The following EPG5 variants were observed in gnomAD, a reference collection of about 807,000 sequenced individuals.
The protein encoded by EPG5 is ectopic P granules protein 5 homolog.
In EPG5, 159 loss-of-function variants were observed where a neutral mutation model predicts 302.7. That is an observed-to-expected ratio of 0.53 (90% CI 0.46 to 0.60). EPG5 has a LOEUF of 0.60. EPG5 is among the 20% of genes least tolerant of loss of function. The pLI is 0.00. For synonymous variants in EPG5, 1,158 were observed against 1,136.8 expected (o/e 1.02, Z -0.37); for missense variants, 2,896 against 3,092.4 (o/e 0.94, Z 1.51).
In EPG5 at chr18:45,952,764, G is replaced by A. The variant is rs188102283; in HGVS notation, c.1009-121C>T. ...TCTTCAAAGAGCTTATAATCATGGT[G>A]AGGAGACATATTACTGTGTAGAGAA... On this transcript the variant is annotated intron_variant, in intron 2 of 43. Transcript: ENST00000282041. The A allele has an allele frequency of 2.6e-5, 27 of 1,026,472 alleles. No individual in the cohort carries two copies. In the East Asian group the frequency reaches 6.0e-4, roughly 23 times the overall value. The allele number at this position is 1,026,472 out of a possible 1,614,324, so 63.6% of individuals were successfully genotyped here. A position where few individuals can be genotyped will look rare whatever the true frequency, so the allele number is the denominator to read the frequency against.
At chr18:45,838,823 GC>G in the EPG5 span, 1 of 1,561,552 alleles carries the variant, frequency 6.4e-7, no homozygotes, top group Non-Finnish European at 8.6e-7. Flanking sequence ...GCCTGGTCCG[GC>G]CCGGCCCTGG....
rs1187423275 is a variant in EPG5 at position 45,967,263 on chromosome 18, C to T, written c.-24G>A. ...ATAGACCCTTCCGCGGCGCCGTCAC[C>T]GTTTGTTTTTGTCAAACCCCTGCGC... is the stretch of plus-strand genomic sequence containing the variant. On this transcript the variant is annotated 5_prime_UTR_variant, in exon 1 of 44. Coordinates refer to ENST00000282041, the MANE Select transcript of EPG5 (RefSeq NM_020964.3). 2 of 1,571,976 alleles carry T rather than the reference C, an allele frequency of 1.3e-6. No individual in the cohort carries two copies. Among genetic ancestry groups the T allele is most frequent in the Non-Finnish European group, 8.6e-7 (1 of 1,158,840 alleles).
At chr18:45,924,101 C>T (rs1008161312) in intron 14 of EPG5, among the ~76,000 whole-genome samples, 1 of 151,652 alleles carries the variant, frequency 6.6e-6, no homozygotes, top group African/African-American at 2.4e-5. Flanking sequence ...TCATTAGTTA[C>T]AATAAATAAG....
chr18:45,864,795 A>C (rs1459951058), intron 39 of EPG5, among the ~76,000 whole-genome samples: 3 of 152,246 alleles, frequency 2.0e-5, no homozygotes, highest in African/African-American at 7.2e-5. Flanking sequence ...TTCTTGCTTC[A>C]AAACCACATG....
At chr18:45,882,552 G>T in intron 30 of EPG5, 65 bp from the exon 31 acceptor site, 2 of 1,365,954 alleles carry the variant, frequency 1.5e-6, no homozygotes, top group South Asian at 1.4e-5. Context: ...AGAGGAGAGA[G>T]GTCTGTGTAA....
the EPG5 span, among the ~76,000 whole-genome samples, chr18:45,827,072 G>A: frequency 3.9e-5 from 6 of 152,106 alleles, no homozygotes; most frequent in East Asian, 3.8e-4. Context: ...GTGCCACCAC[G>A]CCCAGCTAAT....
rs182937059 is a variant in EPG5, at chr18:45,963,613, T to G, written c.63+3564A>C. ...TCACACCACTTCACTCCAGCCTGGGTGACAGAGTGAGACTCGGTCTCAAAA... is the reference window on the plus strand; with the variant it reads ...TCACACCACTTCACTCCAGCCTGGGGGACAGAGTGAGACTCGGTCTCAAAA... On this transcript the variant is annotated intron_variant, in intron 1 of 43. Transcript: ENST00000282041. Among the ~76,000 whole-genome samples the G allele has an allele frequency of 2.2e-3, 340 of 152,126 alleles. 1 individual carries two copies. The highest frequency in any genetic ancestry group is 7.8e-3 in the African/African-American group (325 of 41,502).
At position 45,954,939 on chromosome 18, in the gene EPG5, C is replaced by A. The variant is rs747965536; in HGVS notation, c.463G>T (p.Ala155Ser). The stretch of plus-strand genomic sequence containing the variant: ...GTATAAGAAAAATTAGATTGGGGTG[C>A]ACTTTCTGAAAGTCCACCTTGTACC... ...MSVQGGLSES[A>S]PQSNFSYTQP... The change falls in exon 2 of 44, where the codon GCA becomes TCA. Residue 155 changes from alanine (A) to serine (S), a missense_variant. Physicochemically the swap from Ala to Ser is moderately conservative, Grantham distance 99. Transcript: ENST00000282041. The A allele has an allele frequency of 8.7e-6, 14 of 1,613,638 alleles. No homozygotes were observed. Among genetic ancestry groups the A allele is most frequent in the Non-Finnish European group, 1.0e-5 (12 of 1,179,886 alleles).
At chr18:45,904,201 C>G in intron 24 of EPG5, 84 bp from the exon 25 acceptor site, 2 of 1,485,204 alleles carry the variant, frequency 1.3e-6, no homozygotes, top group Non-Finnish European at 1.8e-6. Flanking sequence ...ATAAAGTGAA[C>G]CAGTAAGTTT....
At chr18:45,808,936 C>T in the EPG5 span, among the ~76,000 whole-genome samples, 2 of 152,120 alleles carry the variant, frequency 1.3e-5, no homozygotes, top group African/African-American at 4.8e-5. Flanking sequence ...ACTTAAAAGA[C>T]ACAGAATTGC....
At position 45,881,719 on chromosome 18, in the gene EPG5, A is replaced by C. The variant is rs2049102537; in HGVS notation, c.5518+555T>G. On this transcript the variant is annotated intron_variant, in intron 31 of 43. Coordinates refer to ENST00000282041, the MANE Select transcript of EPG5 (RefSeq NM_020964.3). ...AAAATTGCTATAGAAAATTGTAAGA[A>C]GGGGGAACAGAAGTGGCAGGAATGT... Among the ~76,000 whole-genome samples, 3 of 152,200 alleles carry C rather than the reference A, an allele frequency of 2.0e-5. 1 individual carries two copies. Among genetic ancestry groups the C allele is most frequent in the Admixed American group, 2.0e-4 (3 of 15,286 alleles).
Position 45,867,677 on chromosome 18 carries a change from A to G in EPG5, c.6297T>C (p.Ser2099=). The part of the protein sequence containing the change: ...GSVLCEVNWV[S]VLSDAWNSSP... ...TGGAATTCCAGGCATCAGAGAGCACACTAACCCAGTTGACTTCACAGAGTA... is the reference window on the plus strand; with the variant it reads ...TGGAATTCCAGGCATCAGAGAGCACGCTAACCCAGTTGACTTCACAGAGTA... The change falls in exon 37 of 44, where the codon AGT becomes AGC. Residue 2099 remains serine (S), a synonymous_variant. Transcript: ENST00000282041. 2 of 1,614,140 alleles carry G rather than the reference A, an allele frequency of 1.2e-6. No individual in the cohort carries two copies. Among genetic ancestry groups the G allele is most frequent in the Non-Finnish European group, 1.7e-6 (2 of 1,179,998 alleles).
chr18:45,921,380 T>C (rs1377804650), intron 16 of EPG5, among the ~76,000 whole-genome samples: 1 of 152,024 alleles, frequency 6.6e-6, no homozygotes, highest in Admixed American at 6.6e-5. Flanking sequence ...ATAAATAGAC[T>C]AGAAAAAAAT....
At chr18:45,842,191 G>C in the EPG5 span, 2 of 1,614,124 alleles carry the variant, frequency 1.2e-6, no homozygotes, top group Non-Finnish European at 8.5e-7. Flanking sequence ...ACCGTGAGGA[G>C]TCCCTCAGCC....
intron 42 of EPG5, among the ~76,000 whole-genome samples, chr18:45,856,904 A>G (rs1028761706): frequency 2.6e-5 from 4 of 152,142 alleles, no homozygotes; most frequent in Non-Finnish European, 4.4e-5. Context: ...CCTTCTTACC[A>G]ACAGGCCTTT....
Position 45,951,133 on chromosome 18 carries a change from T to A in EPG5, c.1358A>T (p.His453Leu), listed in dbSNP as rs568433236. ...CTGCAGCCAGAGAAGAATATCATCA[T>A]GAAACTGAGTATCTTCATTAACTCT... ...TRRVNEDTQF[H>L]DDILLWLQKL... is the part of the protein sequence containing the mutation. Residue 453 changes from histidine (H) to leucine (L), a missense_variant, in exon 4 of 44, where the codon CAT becomes CTT. By Grantham distance (99) the His-to-Leu change is moderately conservative. Coordinates refer to ENST00000282041, the MANE Select transcript of EPG5 (RefSeq NM_020964.3). The A allele has an allele frequency of 6.3e-6, 10 of 1,591,726 alleles. No homozygotes were observed. The highest frequency in any genetic ancestry group is 8.5e-6 in the Non-Finnish European group (10 of 1,170,976).
At chr18:45,915,922 C>T in intron 19 of EPG5, 87 bp downstream of exon 19, 1 of 1,227,472 alleles carries the variant, frequency 8.1e-7, no homozygotes, top group Non-Finnish European at 1.1e-6. Flanking sequence ...CAGAGTAGAA[C>T]TGAAAACTGT....
chr18:45,825,690 G>T, the EPG5 span: 1 of 1,607,918 alleles, frequency 6.2e-7, no homozygotes. Context: ...GGAGGTGGCC[G>T]AGAGCGGGTC....
At chr18:45,945,798 C>A (rs529085633) in intron 7 of EPG5, among the ~76,000 whole-genome samples, 1 of 152,180 alleles carries the variant, frequency 6.6e-6, no homozygotes, top group Non-Finnish European at 1.5e-5. Context: ...TCATTTACCA[C>A]CACCTGACCA....
Sources: allele counts gnomAD v4.1 joint callset (sites outside exome capture counted in the v4.1 genomes callset), GRCh38; gene constraint gnomAD v4.1.1; transcripts MANE v1.5; gene names NCBI Gene and HGNC (gene_info 2026-07-23, HGNC 2026-07-21).